The following PPARGC1B variants were observed in gnomAD, a reference collection of about 807,000 sequenced individuals.
PPARGC1B encodes peroxisome proliferator-activated receptor gamma coactivator 1-beta.
Under a neutral mutation model 101.6 loss-of-function variants are expected in PPARGC1B, and 34 were observed. The observed-to-expected ratio is 0.33, with a 90% CI of 0.25 to 0.45. The LOEUF (loss-of-function observed/expected upper bound fraction) is 0.45, where lower values mean the gene tolerates loss of function less well. PPARGC1B is among the 20% of genes least tolerant of loss of function. The probability of loss-of-function intolerance (pLI) is 1.00; values close to 1 mark genes in which losing one functional copy is unlikely to be tolerated. For missense variants in PPARGC1B, 1,234 were observed against 1,317.6 expected, an observed-to-expected ratio of 0.94 and a Z score of 0.98; for synonymous variants, 548 against 539.3, an observed-to-expected ratio of 1.02 and a Z score of -0.22.
intron 1 of PPARGC1B, among the ~76,000 whole-genome samples, chr5:149,743,072 T>C (rs1437912826): frequency 6.6e-6 from 1 of 152,158 alleles, no homozygotes; most frequent in East Asian, 1.9e-4. Flanking sequence ...GCCAGGTCTG[T>C]TCCTTACTCT....
chr5:149,838,113 A>AACTAGC (rs957381402), intron 8 of PPARGC1B, among the ~76,000 whole-genome samples: 47 of 149,692 alleles, frequency 3.1e-4, no homozygotes, highest in Admixed American at 9.2e-4. Context: ...AGGGACTAGC[A>AACTAGC]AAAAAAAATT....
chr5:149,797,472 A>G (rs1757266922), intron 1 of PPARGC1B, among the ~76,000 whole-genome samples: 1 of 152,234 alleles, frequency 6.6e-6, no homozygotes, highest in African/African-American at 2.4e-5. Context: ...GCTCATTGCT[A>G]TTTCCAAATT....
intron 4 of PPARGC1B, among the ~76,000 whole-genome samples, 161 bp downstream of exon 4, chr5:149,831,044 G>A (rs1233644185): frequency 6.6e-6 from 1 of 152,190 alleles, no homozygotes; most frequent in African/African-American, 2.4e-5. Context: ...TGGAGATCCA[G>A]CCTAGTTTAG....
intron 1 of PPARGC1B, chr5:149,817,531 T>C (rs1193008696): frequency 5.8e-6 from 2 of 344,010 alleles, no homozygotes; most frequent in African/African-American, 4.3e-5. Flanking sequence ...TTATCTTCCA[T>C]CAGTGCACCT....
chr5:149,764,079 G>A (rs770752105), intron 1 of PPARGC1B, among the ~76,000 whole-genome samples: 6 of 152,174 alleles, frequency 3.9e-5, no homozygotes, highest in Admixed American at 2.6e-4. Flanking sequence ...AAAAAAGTTC[G>A]CATGTGATTT....
At position 149,852,082 on chromosome 5, in the gene PPARGC1B, C is replaced by G. The variant is rs886166198; in HGVS notation, c.*4524C>G. 7 of 152,384 alleles carry G rather than the reference C, an allele frequency of 4.6e-5. No homozygotes were observed. Among genetic ancestry groups the G allele is most frequent in the Admixed American group, 3.9e-4 (6 of 15,302 alleles). The allele number at this position is 152,384 out of a possible 1,614,324, so 9.4% of individuals were successfully genotyped here. On this transcript the variant is annotated 3_prime_UTR_variant, in exon 12 of 12. Transcript: ENST00000309241. ...GATGTCAGCAGCAGGAGAGCCAGTGCTGGGGCCAACCCTTTGCTGGCCTTT... is the reference window on the plus strand; with the variant it reads ...GATGTCAGCAGCAGGAGAGCCAGTGGTGGGGCCAACCCTTTGCTGGCCTTT...
chr5:149,783,924 C>T lies in PPARGC1B; in HGVS notation c.79-36509C>T, dbSNP rs185731157. ...CCATGGCAGTAACCATGTTTATACCCTTCACCCGTCTCTGCACACACATGT... is the reference window on the plus strand; with the variant it reads ...CCATGGCAGTAACCATGTTTATACCTTTCACCCGTCTCTGCACACACATGT... On this transcript the variant is annotated intron_variant, in intron 1 of 11. Coordinates refer to ENST00000309241, the MANE Select transcript of PPARGC1B (RefSeq NM_133263.4). 2.6e-5 allele frequency among the ~76,000 whole-genome samples: 4 copies of T among 152,254 alleles called. No individual in the cohort carries two copies. In the East Asian group the frequency reaches 7.7e-4, roughly 29 times the overall value.
chr5:149,764,198 C>T (rs991426476), intron 1 of PPARGC1B, among the ~76,000 whole-genome samples: 6 of 152,236 alleles, frequency 3.9e-5, no homozygotes, highest in Non-Finnish European at 7.3e-5. Context: ...GGCACCCACA[C>T]ACCTCACAGT....
intron 6 of PPARGC1B, 127 bp from the exon 7 acceptor site, chr5:149,835,174 G>A: frequency 1.2e-6 from 1 of 834,180 alleles, no homozygotes; most frequent in Non-Finnish European, 2.0e-6. Context: ...TGCATCTCAG[G>A]CTCCATTTCC....
intron 1 of PPARGC1B, among the ~76,000 whole-genome samples, chr5:149,790,358 T>C (rs1172051912): frequency 6.6e-6 from 1 of 152,098 alleles, no homozygotes; most frequent in East Asian, 1.9e-4. Flanking sequence ...TGGCTTCCCC[T>C]ACAGAACATC....
chr5:149,745,017 T>A (rs1755036854), intron 1 of PPARGC1B, among the ~76,000 whole-genome samples: 1 of 150,798 alleles, frequency 6.6e-6, no homozygotes, highest in Non-Finnish European at 1.5e-5. Context: ...TCCTCCTACC[T>A]CAGCTTCCCC....
At chr5:149,839,690 TA>T (rs1009133455) in intron 8 of PPARGC1B, among the ~76,000 whole-genome samples, 3 of 151,526 alleles carry the variant, frequency 2.0e-5, no homozygotes, top group Non-Finnish European at 2.9e-5. Flanking sequence ...TCATGGGGTT[TA>T]AAAAAAAATC....
intron 1 of PPARGC1B, among the ~76,000 whole-genome samples, chr5:149,799,697 T>TTTTTTTTTTG (rs1757367231): frequency 7.9e-6 from 1 of 126,390 alleles, no homozygotes; most frequent in Non-Finnish European, 1.7e-5. Context: ...GTTGTTGTTT[T>TTTTTTTTTTG]TTTTTTTTTT....
At chr5:149,806,106 C>T (rs1021359669) in intron 1 of PPARGC1B, among the ~76,000 whole-genome samples, 9 of 152,240 alleles carry the variant, frequency 5.9e-5, no homozygotes, top group East Asian at 1.9e-4. Context: ...CAGCTCTGGC[C>T]TGCCGAGGCC....
chr5:149,789,972 A>G (rs1756953398), intron 1 of PPARGC1B, among the ~76,000 whole-genome samples: 1 of 152,112 alleles, frequency 6.6e-6, no homozygotes, highest in African/African-American at 2.4e-5. Context: ...AGACCTAAGG[A>G]TCTGTCCTTG....
At chr5:149,800,646 C>G (rs1256096386) in intron 1 of PPARGC1B, among the ~76,000 whole-genome samples, 1 of 152,220 alleles carries the variant, frequency 6.6e-6, no homozygotes, top group Non-Finnish European at 1.5e-5. Context: ...GGTAAACAGC[C>G]TCCGCTGTTT....
chr5:149,812,898 C>T (rs1027014415), intron 1 of PPARGC1B, among the ~76,000 whole-genome samples: 6 of 152,180 alleles, frequency 3.9e-5, no homozygotes, highest in Admixed American at 1.3e-4. Context: ...TGGGCTTCCA[C>T]CCACTGGGAG....
chr5:149,753,309 C>T (rs1301040616), intron 1 of PPARGC1B, among the ~76,000 whole-genome samples: 2 of 151,968 alleles, frequency 1.3e-5, no homozygotes, highest in East Asian at 1.9e-4. Flanking sequence ...CGGGTTCAAG[C>T]GATTCTCCTG....
At chr5:149,770,617 C>T (rs1279651759) in intron 1 of PPARGC1B, among the ~76,000 whole-genome samples, 1 of 151,780 alleles carries the variant, frequency 6.6e-6, no homozygotes, top group Non-Finnish European at 1.5e-5. Flanking sequence ...GAAGCCGAGG[C>T]AGGAGGATTG....
Sources: gnomAD v4.1 joint callset for allele counts (sites outside exome capture counted in the v4.1 genomes callset) on GRCh38, gnomAD v4.1.1 for gene constraint, MANE v1.5 for transcripts, NCBI Gene and HGNC (gene_info 2026-07-23, HGNC 2026-07-21) for gene names.